ZNF704: variants seen among roughly 807,000 people sequenced by gnomAD.
ZNF704 encodes the protein glucocorticoid induced gene 1.
ZNF704 carries 10 observed loss-of-function variants against 44.7 expected under a neutral mutation model. The ratio of observed to expected loss-of-function variants is 0.22; its 90% CI spans 0.14 to 0.38. The LOEUF (loss-of-function observed/expected upper bound fraction) is 0.38. Among genes scored for constraint, ZNF704 ranks in the 10% least tolerant of loss-of-function variants. The pLI is 1.00. For missense variants in ZNF704, 390 were observed against 545.5 expected, an observed-to-expected ratio of 0.71 and a Z score of 2.84; for synonymous variants, 211 against 207.6, an observed-to-expected ratio of 1.02 and a Z score of -0.14.
intron 2 of ZNF704, among the ~76,000 whole-genome samples, chr8:80,716,425 C>G (rs1819073144): frequency 6.6e-6 from 1 of 152,208 alleles, no homozygotes; most frequent in Non-Finnish European, 1.5e-5. Context: ...CAGCAACTCA[C>G]AAAAGGAATC....
chr8:80,843,213 A>C (rs550647043), intron 1 of ZNF704, among the ~76,000 whole-genome samples: 3 of 152,346 alleles, frequency 2.0e-5, no homozygotes, highest in South Asian at 4.1e-4. Context: ...GAAAGACAGA[A>C]TCTGTAGACG....
chr8:80,826,440 C>G (rs1330132679), intron 1 of ZNF704, among the ~76,000 whole-genome samples: 1 of 152,026 alleles, frequency 6.6e-6, no homozygotes, highest in Non-Finnish European at 1.5e-5. Context: ...TAATAGCCTA[C>G]AAACCAAAAA....
intron 7 of ZNF704, among the ~76,000 whole-genome samples, chr8:80,653,822 C>G (rs867977745): frequency 1.3e-5 from 2 of 151,956 alleles, no homozygotes; most frequent in African/African-American, 2.4e-5. Context: ...ACTTTCTTCA[C>G]GAATCGGAAA....
intron 2 of ZNF704, among the ~76,000 whole-genome samples, chr8:80,737,688 T>G (rs768088909): frequency 1.2e-4 from 19 of 152,164 alleles, no homozygotes; most frequent in Non-Finnish European, 2.2e-4. Flanking sequence ...TTTTTAAAAA[T>G]TTTGAATAAT....
At chr8:80,830,001 C>T (rs1159634908) in intron 1 of ZNF704, among the ~76,000 whole-genome samples, 1 of 152,120 alleles carries the variant, frequency 6.6e-6, no homozygotes, top group African/African-American at 2.4e-5. Flanking sequence ...TATCACTATG[C>T]TTTAAAGCAT....
At chr8:80,767,285 T>G (rs1452927693) in intron 2 of ZNF704, among the ~76,000 whole-genome samples, 1 of 152,098 alleles carries the variant, frequency 6.6e-6, no homozygotes, top group Non-Finnish European at 1.5e-5. Context: ...ACAGTTTATT[T>G]GATTTCACCC....
chr8:80,664,057 T>A (rs1248866606), intron 6 of ZNF704, among the ~76,000 whole-genome samples: 1 of 151,438 alleles, frequency 6.6e-6, no homozygotes, highest in South Asian at 2.1e-4. Flanking sequence ...CAGATACTTA[T>A]GTAATGTGCC....
At position 80,786,520 on chromosome 8, in the gene ZNF704, AG is replaced by A. The variant is rs144204388; in HGVS notation, c.221+34853del. Among the ~76,000 whole-genome samples, 705 of 152,340 alleles carry A rather than the reference AG, an allele frequency of 4.6e-3. 3 individuals are homozygous for A. The highest frequency in any genetic ancestry group is 0.016 in the African/African-American group (649 of 41,566). The stretch of plus-strand genomic sequence containing the variant: ...CATAATAATTGTATTCAAATATTTG[AG>A]TGACTGCCATGTAGAAGAGACAGTC... On this transcript the variant is annotated intron_variant, in intron 2 of 8. Coordinates refer to ENST00000327835, the MANE Select transcript of ZNF704 (RefSeq NM_001033723.3).
chr8:80,656,757 C>G (rs1818022526), intron 7 of ZNF704, among the ~76,000 whole-genome samples: 1 of 152,198 alleles, frequency 6.6e-6, no homozygotes, highest in South Asian at 2.1e-4. Context: ...AAGTATCCCT[C>G]TTCAATACCA....
intron 2 of ZNF704, among the ~76,000 whole-genome samples, chr8:80,778,381 A>T (rs908153368): frequency 6.6e-6 from 1 of 152,230 alleles, no homozygotes; most frequent in Non-Finnish European, 1.5e-5. Context: ...TTGCAGAGAA[A>T]AGGGAACACT....
At chr8:80,728,489 A>T (rs1806522352) in intron 2 of ZNF704, among the ~76,000 whole-genome samples, 2 of 152,200 alleles carry the variant, frequency 1.3e-5, no homozygotes, top group South Asian at 4.1e-4. Flanking sequence ...TTTGTAAAGG[A>T]GGTGGGGGAG....
At chr8:80,748,956 A>G (rs886202527) in intron 2 of ZNF704, among the ~76,000 whole-genome samples, 2 of 152,192 alleles carry the variant, frequency 1.3e-5, no homozygotes, top group African/African-American at 4.8e-5. Flanking sequence ...AATGGTTCCA[A>G]TCATTTTTCC....
chr8:80,807,983 C>T (rs1808018055), intron 2 of ZNF704, among the ~76,000 whole-genome samples: 1 of 152,190 alleles, frequency 6.6e-6, no homozygotes, highest in Non-Finnish European at 1.5e-5. Flanking sequence ...AAAAGAGAAA[C>T]AGGTTATTCC....
At chr8:80,807,574 A>T (rs1297833697) in intron 2 of ZNF704, among the ~76,000 whole-genome samples, 1 of 152,164 alleles carries the variant, frequency 6.6e-6, no homozygotes, top group Admixed American at 6.5e-5. Flanking sequence ...TATTTACAGA[A>T]AAAAAGTGTT....
chr8:80,645,692 C>T (rs1159788175), intron 7 of ZNF704, among the ~76,000 whole-genome samples: 1 of 152,148 alleles, frequency 6.6e-6, no homozygotes, highest in African/African-American at 2.4e-5. Context: ...TCCCTGAGGC[C>T]TCCCCAGAAG....
chr8:80,848,806 TAAAA>T (rs113186294), intron 1 of ZNF704, among the ~76,000 whole-genome samples: 1 of 147,440 alleles, frequency 6.8e-6, no homozygotes, highest in African/African-American at 2.5e-5. Context: ...AAGAAAAGGT[TAAAA>T]AAAAAAGAGA....
chr8:80,666,878 T>A (rs1166836932), intron 5 of ZNF704, among the ~76,000 whole-genome samples: 4 of 151,778 alleles, frequency 2.6e-5, no homozygotes, highest in Admixed American at 6.6e-5. Flanking sequence ...CTTTGTCAGA[T>A]GAGTAGGTTG....
Position 80,636,350 on chromosome 8 carries a change from G to A in ZNF704, c.*5016C>T, listed in dbSNP as rs1208897089. 3 of 152,170 alleles carry A rather than the reference G, an allele frequency of 2.0e-5. No individual in the cohort carries two copies. The highest frequency in any genetic ancestry group is 1.3e-4 in the Admixed American group (2 of 15,290). 9.4% of individuals were successfully genotyped at this position (152,170 alleles called of 1,614,324 possible). A position where few individuals can be genotyped will look rare whatever the true frequency, so the allele number is the denominator to read the frequency against. On this transcript the variant is annotated 3_prime_UTR_variant, in exon 9 of 9. Transcript: ENST00000327835. Reference sequence around the variant, plus strand: ...TTCCCATTTTGGTTCCTGGTCCTACGATAGATATACCTTTTAAAGCATGTA... The same window carrying A: ...TTCCCATTTTGGTTCCTGGTCCTACAATAGATATACCTTTTAAAGCATGTA...
At chr8:80,729,715 G>A (rs1806544160) in intron 2 of ZNF704, among the ~76,000 whole-genome samples, 1 of 152,192 alleles carries the variant, frequency 6.6e-6, no homozygotes, top group Non-Finnish European at 1.5e-5. Context: ...TGGCTGGCAG[G>A]TAACTGAACG....
Sources: allele counts gnomAD v4.1 joint callset (sites outside exome capture counted in the v4.1 genomes callset), GRCh38; gene constraint gnomAD v4.1.1; transcripts MANE v1.5; gene names NCBI Gene and HGNC (gene_info 2026-07-23, HGNC 2026-07-21).